RAB40C: variants seen among roughly 807,000 people sequenced by gnomAD.
RAB40C encodes RAB40C, member RAS oncogene family.
Under a neutral mutation model 28.1 loss-of-function variants are expected in RAB40C, and 8 were observed. The ratio of observed to expected loss-of-function variants is 0.28; its 90% CI spans 0.17 to 0.51. The LOEUF is 0.51. Ranked by LOEUF, RAB40C falls within the 20% of genes least tolerant of loss-of-function variation. The pLI is 0.97. For missense variants in RAB40C, 288 were observed against 405.9 expected (o/e 0.71, Z 2.50); for synonymous variants, 201 against 171.7 (o/e 1.17, Z -1.34).
At chr16:598,561 C>CAAAAAAAA (rs938034632) in intron 1 of RAB40C, among the ~76,000 whole-genome samples, 3 of 54,758 alleles carry the variant, frequency 5.5e-5, no homozygotes, top group Non-Finnish European at 7.8e-5. Context: ...CTCTGTCTCA[C>CAAAAAAAA]AAAAAAAAAA....
intron 3 of RAB40C, among the ~76,000 whole-genome samples, chr16:621,299 C>A (rs1002593907): frequency 6.6e-6 from 1 of 152,218 alleles, no homozygotes; most frequent in African/African-American, 2.4e-5. Flanking sequence ...CGGGTGCATC[C>A]AGCCGAGGTG....
chr16:624,648 G>GT, intron 3 of RAB40C: 1 of 985,468 alleles, frequency 1.0e-6, no homozygotes, highest in Non-Finnish European at 1.2e-6. Context: ...TTACGTGAAG[G>GT]TTTTGTCAGC....
chr16:614,580 G>A (rs138429744), intron 1 of RAB40C, among the ~76,000 whole-genome samples: 5 of 80,296 alleles, frequency 6.2e-5, no homozygotes, highest in South Asian at 5.8e-4. Context: ...TAACTCTACC[G>A]CATCCCGATG....
At chr16:618,341 C>CA in intron 3 of RAB40C, 81 bp downstream of exon 3, 4 of 1,366,008 alleles carry the variant, frequency 2.9e-6, no homozygotes, top group South Asian at 2.6e-5. Flanking sequence ...GTTGTCCTGT[C>CA]AAACTCCCAA....
intron 1 of RAB40C, among the ~76,000 whole-genome samples, chr16:603,838 T>G (rs2036304164): frequency 6.6e-6 from 1 of 152,180 alleles, no homozygotes; most frequent in African/African-American, 2.4e-5. Flanking sequence ...CCAGACATCA[T>G]GGATACGAAG....
intron 1 of RAB40C, among the ~76,000 whole-genome samples, chr16:591,451 GCA>G (rs1465679589): frequency 1.3e-5 from 2 of 152,174 alleles, no homozygotes; most frequent in African/African-American, 4.8e-5. Context: ...TCTCGAGCGT[GCA>G]CAGATGACAG....
chr16:611,439 A>G (rs7198877), intron 1 of RAB40C, among the ~76,000 whole-genome samples: 71,661 of 152,078 alleles, frequency 0.47, 17,270 homozygotes, highest in East Asian at 0.64. Flanking sequence ...GGTCAGCCTC[A>G]TGGGGGCTTC....
At chr16:593,728 CTG>C (rs1026226005) in intron 1 of RAB40C, among the ~76,000 whole-genome samples, 6 of 152,248 alleles carry the variant, frequency 3.9e-5, no homozygotes, top group African/African-American at 1.4e-4. Flanking sequence ...GTGGGAGCCC[CTG>C]TGAGCTCTTC....
chr16:608,265 T>C (rs2036406118), intron 1 of RAB40C, among the ~76,000 whole-genome samples: 1 of 152,110 alleles, frequency 6.6e-6, no homozygotes. Context: ...GAGAACTCAC[T>C]CACCCGCACA....
chr16:592,301 C>G (rs992261122), intron 1 of RAB40C, among the ~76,000 whole-genome samples: 1 of 152,204 alleles, frequency 6.6e-6, no homozygotes, highest in Non-Finnish European at 1.5e-5. Context: ...TCTCTCAACT[C>G]GGGGGTTGGC....
intron 1 of RAB40C, among the ~76,000 whole-genome samples, chr16:612,639 T>C (rs1304493470): frequency 1.0e-4 from 2 of 19,672 alleles, no homozygotes; most frequent in Non-Finnish European, 1.7e-4. Context: ...GACAGCCGCC[T>C]TTGCCTGTAG....
chr16:625,169 C>G, intron 3 of RAB40C: 1 of 1,385,616 alleles, frequency 7.2e-7, no homozygotes, highest in South Asian at 1.2e-5. Context: ...AGGCTGATGG[C>G]TCCAGGGGAG....
At chr16:591,139 C>T (rs899507120) in intron 1 of RAB40C, among the ~76,000 whole-genome samples, 1 of 145,306 alleles carries the variant, frequency 6.9e-6, no homozygotes, top group South Asian at 2.2e-4. Flanking sequence ...TGTCATAGAT[C>T]TGGGGAAAGG....
At chr16:600,697 A>G (rs892127814) in intron 1 of RAB40C, among the ~76,000 whole-genome samples, 2 of 152,226 alleles carry the variant, frequency 1.3e-5, no homozygotes, top group African/African-American at 4.8e-5. Flanking sequence ...GGTTGCAGTG[A>G]GCCGAGTTTG....
intron 1 of RAB40C, among the ~76,000 whole-genome samples, chr16:612,947 C>T (rs2036511425): frequency 3.3e-5 from 2 of 60,682 alleles, no homozygotes; most frequent in East Asian, 1.1e-3. Context: ...GGGACAGCCG[C>T]CCTGGCCTGT....
At chr16:599,321 G>T (rs907014405) in intron 1 of RAB40C, among the ~76,000 whole-genome samples, 2 of 152,232 alleles carry the variant, frequency 1.3e-5, no homozygotes, top group Non-Finnish European at 2.9e-5. Context: ...ATGCCTGCCC[G>T]TGTCGGCCGG....
In RAB40C at chr16:610,434, T is replaced by G. The variant is rs2036459835; in HGVS notation, c.143-6774T>G. Among the ~76,000 whole-genome samples the G allele has an allele frequency of 6.6e-6, 1 of 152,080 alleles. No homozygotes were observed. Among genetic ancestry groups the G allele is most frequent in the African/African-American group, 2.4e-5 (1 of 41,420 alleles). ...GAGCAGGGGGAAGGGTGGCAGGAGT[T>G]GCTGGTGCTGCGTGAGGCCTCAGTG... On this transcript the variant is annotated intron_variant, in intron 1 of 5. Transcript: ENST00000248139. This position sits in a 1 kb window ranked among gnomAD's most constrained non-coding sequence, Gnocchi z 4.6.
chr16:598,450 A>G (rs1258871534), intron 1 of RAB40C, among the ~76,000 whole-genome samples: 1 of 151,088 alleles, frequency 6.6e-6, no homozygotes, highest in African/African-American at 2.4e-5. Flanking sequence ...AGCCCCAACT[A>G]CTTGGGAGGC....
At chr16:595,155 G>A (rs2036086083) in intron 1 of RAB40C, among the ~76,000 whole-genome samples, 1 of 152,206 alleles carries the variant, frequency 6.6e-6, no homozygotes, top group Non-Finnish European at 1.5e-5. Flanking sequence ...GGGTGGTGTT[G>A]TGGGAGGAAC....
Sources: gnomAD v4.1 joint callset for allele counts (sites outside exome capture counted in the v4.1 genomes callset) on GRCh38, gnomAD v4.1.1 for gene constraint, Gnocchi (gnomAD v3.1) non-coding constraint, MANE v1.5 for transcripts, NCBI Gene and HGNC (gene_info 2026-07-23, HGNC 2026-07-21) for gene names.